HIVEP3: variants seen among roughly 807,000 people sequenced by gnomAD.
HIVEP3 encodes the protein transcription factor HIVEP3.
HIVEP3 carries 49 observed loss-of-function variants against 152.8 expected under a neutral mutation model. The ratio of observed to expected loss-of-function variants is 0.32; its 90% CI spans 0.26 to 0.41. The LOEUF is 0.41. HIVEP3 is among the 10% of genes least tolerant of loss of function. The probability of loss-of-function intolerance (pLI) is 1.00; values close to 1 mark genes in which losing one functional copy is unlikely to be tolerated. For missense variants in HIVEP3, 2,790 were observed against 3,103.3 expected, an observed-to-expected ratio of 0.90 and a Z score of 2.40; for synonymous variants, 1,269 against 1,289.0, an observed-to-expected ratio of 0.98 and a Z score of 0.33.
At chr1:41,957,621 A>T (rs1645146802) in intron 1 of HIVEP3, among the ~76,000 whole-genome samples, 1 of 152,224 alleles carries the variant, frequency 6.6e-6, no homozygotes, top group East Asian at 1.9e-4. Context: ...TACTGTCTAG[A>T]TTGGACATGG....
chr1:41,611,060 G>A (rs1412520919), intron 3 of HIVEP3, among the ~76,000 whole-genome samples: 1 of 152,228 alleles, frequency 6.6e-6, no homozygotes, highest in Non-Finnish European at 1.5e-5. Flanking sequence ...AAAGAAGGCC[G>A]TAGGCTCAGG....
intron 1 of HIVEP3, among the ~76,000 whole-genome samples, chr1:41,785,766 G>A (rs1287781713): frequency 6.6e-6 from 1 of 152,220 alleles, no homozygotes; most frequent in Non-Finnish European, 1.5e-5. Flanking sequence ...GGAGACCAAG[G>A]TGGGTGGATC....
At chr1:41,768,138 T>C (rs1354360032) in intron 1 of HIVEP3, among the ~76,000 whole-genome samples, 1 of 152,176 alleles carries the variant, frequency 6.6e-6, no homozygotes, top group Non-Finnish European at 1.5e-5. Flanking sequence ...ACGCTGCTGA[T>C]AGACATAACT....
In HIVEP3 at chr1:41,582,937, C is replaced by G; in HGVS notation, c.1861G>C (p.Val621Leu). 6.2e-7 allele frequency: 1 copy of G among 1,614,140 alleles called. No homozygotes were observed. Among genetic ancestry groups the G allele is most frequent in the Non-Finnish European group, 8.5e-7 (1 of 1,180,036 alleles). The change falls in exon 4 of 9, where the codon GTG (valine) becomes CTG (leucine). Residue 621 changes from valine to leucine, a missense_variant. Physicochemically the swap from Val to Leu is conservative, Grantham distance 32. Around this residue, in one of 9 missense-constraint regions of HIVEP3, gnomAD observed 339 missense variants for 327.0 expected, o/e 1.04. Coordinates refer to ENST00000372583, the MANE Select transcript of HIVEP3 (RefSeq NM_024503.5). The surrounding 1 kb of genome is among the most constrained non-coding windows in gnomAD (Gnocchi z 4.7). ...GTAAGCTCGCTTTCCTTGGGTTCCACTTCGTCCGAGGGCTTGGAGGCTGTG... is the reference window on the plus strand; with the variant it reads ...GTAAGCTCGCTTTCCTTGGGTTCCAGTTCGTCCGAGGGCTTGGAGGCTGTG... Reference protein sequence around the residue: ...KDTASKPSDEVEPKESELTKK... With the variant: ...KDTASKPSDELEPKESELTKK...
chr1:41,864,458 T>C (rs1039702501), intron 1 of HIVEP3: 1 of 152,302 alleles, frequency 6.6e-6, no homozygotes, highest in Admixed American at 6.5e-5. Context: ...GCTGGTTCTT[T>C]CACATAGAGA....
chr1:41,547,125 C>G (rs1446152197), intron 5 of HIVEP3, among the ~76,000 whole-genome samples: 1 of 152,158 alleles, frequency 6.6e-6, no homozygotes, highest in African/African-American at 2.4e-5. Context: ...GTGACTTGCC[C>G]TCAGCCACAC....
At position 41,580,869 on chromosome 1, in the gene HIVEP3, C is replaced by A; in HGVS notation, c.3929G>T (p.Cys1310Phe). ...TSAPPLALPA[C>F]PDTMVSLVVP... Reference sequence around the variant, plus strand: ...AACCAGGGACACCATGGTGTCTGGACAGGCAGGCAGGGCCAGTGGAGGAGC... The same window carrying A: ...AACCAGGGACACCATGGTGTCTGGAAAGGCAGGCAGGGCCAGTGGAGGAGC... The change falls in exon 4 of 9, where the codon TGT becomes TTT. Residue 1310 changes from cysteine to phenylalanine, a missense_variant. Around this residue, in one of 9 missense-constraint regions of HIVEP3, gnomAD observed 1,078 missense variants for 1,165.3 expected, o/e 0.93. Transcript: ENST00000372583. The A allele has an allele frequency of 6.2e-7, 1 of 1,605,674 alleles. No individual in the cohort carries two copies. Among genetic ancestry groups the A allele is most frequent in the South Asian group, 1.1e-5 (1 of 88,726 alleles).
At chr1:41,910,834 G>T (rs1008200958) in intron 1 of HIVEP3, among the ~76,000 whole-genome samples, 3 of 151,916 alleles carry the variant, frequency 2.0e-5, no homozygotes, top group African/African-American at 7.2e-5. Context: ...CTACAGAACA[G>T]GAGTAGTTCC....
rs1257384823 is a variant in HIVEP3, at chr1:41,509,894, G to T, written c.*557C>A. On this transcript the variant is annotated 3_prime_UTR_variant, in exon 9 of 9. Transcript: ENST00000372583. Reference sequence around the variant, plus strand: ...CCTGCCTGCTGGGGCCTGGGTGGGGGTCACCTGCCTGTGTTTGTGCCCCTC... The same window carrying T: ...CCTGCCTGCTGGGGCCTGGGTGGGGTTCACCTGCCTGTGTTTGTGCCCCTC... 1 of 152,022 alleles carries T rather than the reference G, an allele frequency of 6.6e-6. No individual in the cohort carries two copies. Among genetic ancestry groups the T allele is most frequent in the East Asian group, 1.9e-4 (1 of 5,196 alleles). 9.4% of individuals were successfully genotyped at this position (152,022 alleles called of 1,614,324 possible). A position where few individuals can be genotyped will look rare whatever the true frequency, so the allele number is the denominator to read the frequency against.
chr1:41,777,930 G>A (rs368319883), intron 1 of HIVEP3, among the ~76,000 whole-genome samples: 10 of 152,244 alleles, frequency 6.6e-5, no homozygotes, highest in African/African-American at 1.9e-4. Context: ...CGTGCTTCAC[G>A]CATGGTGTGG....
At chr1:41,550,256 C>T (rs1229788186) in intron 5 of HIVEP3, among the ~76,000 whole-genome samples, 1 of 152,176 alleles carries the variant, frequency 6.6e-6, no homozygotes, top group Non-Finnish European at 1.5e-5. Context: ...AGTACTAGTA[C>T]CATGCTGTTT....
chr1:41,986,527 G>A (rs374505485), intron 1 of HIVEP3, among the ~76,000 whole-genome samples: 27 of 146,826 alleles, frequency 1.8e-4, no homozygotes, highest in South Asian at 1.3e-3. Context: ...TGCAAGCTCC[G>A]CTTCCCGAGT....
chr1:41,599,899 G>A (rs1047301384), intron 3 of HIVEP3, among the ~76,000 whole-genome samples: 1 of 152,132 alleles, frequency 6.6e-6, no homozygotes, highest in African/African-American at 2.4e-5. Flanking sequence ...TTAAAAAAAT[G>A]AGCAAAGGAC....
intron 5 of HIVEP3, among the ~76,000 whole-genome samples, chr1:41,558,732 C>G (rs757389558): frequency 1.2e-4 from 19 of 152,202 alleles, no homozygotes; most frequent in Non-Finnish European, 2.1e-4. Context: ...GGGGAGGTGC[C>G]CAGCCTACCC....
chr1:41,839,815 C>T (rs1049725561), intron 1 of HIVEP3, among the ~76,000 whole-genome samples: 2 of 152,160 alleles, frequency 1.3e-5, no homozygotes, highest in African/African-American at 2.4e-5. Flanking sequence ...TGTAAGCCCC[C>T]GGTGACCACC....
intron 3 of HIVEP3, among the ~76,000 whole-genome samples, chr1:41,593,385 T>C (rs1023016839): frequency 4.6e-5 from 7 of 152,232 alleles, no homozygotes; most frequent in Admixed American, 4.6e-4. Flanking sequence ...GCAGCAGCAC[T>C]GTATTCCATT....
intron 1 of HIVEP3, among the ~76,000 whole-genome samples, chr1:41,701,669 A>G (rs1428599319): frequency 6.6e-6 from 1 of 152,272 alleles, no homozygotes. Context: ...TGGTAACTGT[A>G]TACCTATTAT....
chr1:41,698,531 C>T (rs1048120375), intron 2 of HIVEP3, among the ~76,000 whole-genome samples: 5 of 152,216 alleles, frequency 3.3e-5, no homozygotes, highest in African/African-American at 7.2e-5. Flanking sequence ...GTGATCTTTC[C>T]GATGAGAACC....
Position 41,518,397 on chromosome 1 carries a change from G to A in HIVEP3, c.5470+5C>T. On this transcript the variant is annotated splice_donor_5th_base_variant and intron_variant, in intron 7 of 8. Coordinates refer to ENST00000372583, the MANE Select transcript of HIVEP3 (RefSeq NM_024503.5). ...AAGGGGACGGAGAAGGTTGGCAATTGTTACCTTCTTCGGCTTCCAGCTCCT... is the reference window on the plus strand; with the variant it reads ...AAGGGGACGGAGAAGGTTGGCAATTATTACCTTCTTCGGCTTCCAGCTCCT... 6.2e-7 allele frequency: 1 copy of A among 1,612,968 alleles called. No individual in the cohort carries two copies. The highest frequency in any genetic ancestry group is 2.2e-5 in the East Asian group (1 of 44,886).
Sources: gnomAD v4.1 joint callset for allele counts (sites outside exome capture counted in the v4.1 genomes callset) on GRCh38, gnomAD v4.1.1 for gene constraint, gnomAD v4.1.1 regional missense constraint, Gnocchi (gnomAD v3.1) non-coding constraint, MANE v1.5 for transcripts, NCBI Gene and HGNC (gene_info 2026-07-23, HGNC 2026-07-21) for gene names.